The following ADAM22 variants were observed in gnomAD, a reference collection of about 807,000 sequenced individuals.
The protein encoded by ADAM22 is disintegrin and metalloproteinase domain-containing protein 22.
Under a neutral mutation model 144.6 loss-of-function variants are expected in ADAM22, and 65 were observed. The observed-to-expected ratio is 0.45, with a 90% confidence interval of 0.37 to 0.55. The LOEUF is 0.55. Ranked by LOEUF, ADAM22 falls within the 20% of genes least tolerant of loss-of-function variation. ADAM22 has a pLI of 0.00. For synonymous variants in ADAM22, 391 were observed against 412.6 expected, an observed-to-expected ratio of 0.95 and a Z score of 0.63; for missense variants, 974 against 1,184.9, an observed-to-expected ratio of 0.82 and a Z score of 2.61.
At chr7:87,951,310 T>C (rs1845081990) in intron 2 of ADAM22, among the ~76,000 whole-genome samples, 1 of 136,752 alleles carries the variant, frequency 7.3e-6, no homozygotes, top group South Asian at 2.3e-4. Context: ...TTGAATTAAT[T>C]TGTGTATAAG....
At chr7:87,986,984 T>C (rs1376012851) in intron 3 of ADAM22, among the ~76,000 whole-genome samples, 1 of 152,196 alleles carries the variant, frequency 6.6e-6, no homozygotes, top group Non-Finnish European at 1.5e-5. Flanking sequence ...AACAGATTTA[T>C]CAGGTGAGTG....
intron 4 of ADAM22, among the ~76,000 whole-genome samples, chr7:88,100,775 A>G (rs2129486506): frequency 6.6e-6 from 1 of 152,218 alleles, no homozygotes; most frequent in African/African-American, 2.4e-5. Context: ...TTGGCCTTCT[A>G]AAGTGGTGGG....
At chr7:87,990,826 C>A (rs553728992) in intron 3 of ADAM22, among the ~76,000 whole-genome samples, 1 of 152,058 alleles carries the variant, frequency 6.6e-6, no homozygotes, top group Non-Finnish European at 1.5e-5. Context: ...CCATATCCAA[C>A]TAATTTTTTT....
intron 7 of ADAM22, among the ~76,000 whole-genome samples, chr7:88,124,825 A>T (rs1830050982): frequency 2.0e-5 from 3 of 152,016 alleles, no homozygotes. Context: ...AATTTCTCTG[A>T]CCATGCTTAT....
intron 3 of ADAM22, among the ~76,000 whole-genome samples, chr7:88,049,972 G>C (rs1216421568): frequency 6.6e-6 from 1 of 151,880 alleles, no homozygotes; most frequent in Non-Finnish European, 1.5e-5. Context: ...TGTCAACTCA[G>C]AAATCAAAGT....
At position 88,108,227 on chromosome 7, in the gene ADAM22, T is replaced by G; in HGVS notation, c.442T>G (p.Phe148Val). ...CCATATCCGAGGAAACCCTGACTCA[T>G]TTGTTGCATTGTCAACATGCCACGG... ...QGHIRGNPDS[F>V]VALSTCHGLH... is the part of the protein sequence containing the mutation. The change falls in exon 5 of 32, where the codon TTT becomes GTT. Residue 148 changes from phenylalanine (F) to valine (V), a missense_variant. Physicochemically the swap from Phe to Val is conservative, Grantham distance 50. Around this residue, in one of 2 missense-constraint regions of ADAM22, gnomAD observed 240 missense variants for 234.3 expected, o/e 1.02. Coordinates refer to ENST00000413139, the MANE Select transcript of ADAM22 (RefSeq NM_001324418.2). 6.2e-7 allele frequency: 1 copy of G among 1,613,836 alleles called. No individual in the cohort carries two copies.
intron 5 of ADAM22, among the ~76,000 whole-genome samples, 200 bp from the exon 6 acceptor site, chr7:88,114,384 A>C (rs1827199905): frequency 6.6e-6 from 1 of 152,088 alleles, no homozygotes; most frequent in Non-Finnish European, 1.5e-5. Context: ...GGTGAGGATG[A>C]GGTGACTCTA....
intron 3 of ADAM22, among the ~76,000 whole-genome samples, chr7:87,988,580 C>T (rs966032674): frequency 7.9e-5 from 12 of 152,126 alleles, no homozygotes; most frequent in Non-Finnish European, 1.3e-4. Context: ...GTCATATTTG[C>T]GTATTTTATT....
chr7:88,187,388 A>G (rs1383772038), intron 30 of ADAM22, among the ~76,000 whole-genome samples: 3 of 152,242 alleles, frequency 2.0e-5, no homozygotes, highest in Non-Finnish European at 4.4e-5. Context: ...CTTCAAATAG[A>G]ACAGGAAGCA....
intron 22 of ADAM22, among the ~76,000 whole-genome samples, chr7:88,160,968 G>A (rs769117222): frequency 3.3e-5 from 5 of 152,038 alleles, no homozygotes; most frequent in Non-Finnish European, 7.4e-5. Context: ...CTGTCATGGG[G>A]CAGGGGGAAG....
At chr7:88,121,487 G>A (rs1829297209) in intron 7 of ADAM22, among the ~76,000 whole-genome samples, 1 of 152,148 alleles carries the variant, frequency 6.6e-6, no homozygotes, top group Admixed American at 6.5e-5. Context: ...AGGAACCTGG[G>A]TGTGGTTTAG....
chr7:88,107,591 A>AT lies in ADAM22; in HGVS notation c.391-579dup, dbSNP rs1396279302. Among the ~76,000 whole-genome samples the AT allele has an allele frequency of 3.3e-5, 5 of 150,064 alleles. No homozygotes were observed. The East Asian group carries it at 8.0e-4, about 24-fold the overall frequency. Reference sequence around the variant, plus strand: ...ATTTCCTTTCTTTTCTTTTTTTGTCATTTTTTCTTTTGAGACAGAATTTCA... The same window carrying AT: ...ATTTCCTTTCTTTTCTTTTTTTGTCATTTTTTTCTTTTGAGACAGAATTTCA... On this transcript the variant is annotated intron_variant, in intron 4 of 31. Transcript: ENST00000413139.
At chr7:88,112,365 T>G (rs1826273176) in intron 5 of ADAM22, among the ~76,000 whole-genome samples, 1 of 152,184 alleles carries the variant, frequency 6.6e-6, no homozygotes, top group Non-Finnish European at 1.5e-5. Flanking sequence ...TGGAGGCCAT[T>G]ATAATTATAG....
intron 5 of ADAM22, among the ~76,000 whole-genome samples, chr7:88,112,749 C>G (rs1160178776): frequency 6.6e-6 from 1 of 152,170 alleles, no homozygotes; most frequent in African/African-American, 2.4e-5. Context: ...GCTCTGTCAC[C>G]CAGGCTGGAG....
intron 3 of ADAM22, among the ~76,000 whole-genome samples, chr7:88,050,706 G>A (rs1374502587): frequency 2.6e-5 from 4 of 152,012 alleles, no homozygotes; most frequent in African/African-American, 9.7e-5. Context: ...TGATGGGGTT[G>A]TTTGTTTTTT....
chr7:88,006,601 G>A (rs938934623), intron 3 of ADAM22, among the ~76,000 whole-genome samples: 71 of 147,562 alleles, frequency 4.8e-4, no homozygotes, highest in African/African-American at 1.7e-3. Context: ...TTCAATGTAT[G>A]CAAATCAATA....
At chr7:88,154,498 T>A (rs1225192231) in intron 21 of ADAM22, among the ~76,000 whole-genome samples, 1 of 152,160 alleles carries the variant, frequency 6.6e-6, no homozygotes, top group African/African-American at 2.4e-5. Context: ...ATAAATTTCT[T>A]TATGATTTAC....
intron 2 of ADAM22, among the ~76,000 whole-genome samples, chr7:87,960,906 G>A (rs779928289): frequency 1.3e-5 from 2 of 152,116 alleles, no homozygotes; most frequent in African/African-American, 4.8e-5. Flanking sequence ...CTACTATGTG[G>A]CACTGTTCTG....
intron 3 of ADAM22, among the ~76,000 whole-genome samples, chr7:88,008,708 C>T (rs1339579010): frequency 1.3e-5 from 2 of 151,512 alleles, no homozygotes; most frequent in Non-Finnish European, 2.9e-5. Context: ...AATGAGAACA[C>T]ATGGACACAG....
Sources: gnomAD v4.1 joint callset for allele counts (sites outside exome capture counted in the v4.1 genomes callset) on GRCh38, gnomAD v4.1.1 for gene constraint, gnomAD v4.1.1 regional missense constraint, MANE v1.5 for transcripts, NCBI Gene and HGNC (gene_info 2026-07-23, HGNC 2026-07-21) for gene names.